Variants in ROBO1 observed in about 807,000 individuals in gnomAD.
ROBO1 encodes roundabout guidance receptor 1, also known as roundabout homolog 1.
ROBO1 carries 149 observed loss-of-function variants against 195.9 expected under a neutral mutation model. The observed-to-expected ratio is 0.76, with a 90% CI of 0.67 to 0.87. The LOEUF (loss-of-function observed/expected upper bound fraction) is 0.87. ROBO1 is among the 40% of genes least tolerant of loss of function. ROBO1 has a pLI of 0.00. For missense variants in ROBO1, 1,933 were observed against 2,068.3 expected, an observed-to-expected ratio of 0.93 and a Z score of 1.27; for synonymous variants, 816 against 733.2, an observed-to-expected ratio of 1.11 and a Z score of -1.82.
chr3:79,271,470 GA>G (rs779410734), intron 2 of ROBO1, among the ~76,000 whole-genome samples: 35 of 151,964 alleles, frequency 2.3e-4, no homozygotes, highest in Non-Finnish European at 3.1e-4. Context: ...TTTTATACTG[GA>G]AAATATTAGA....
intron 1 of ROBO1, among the ~76,000 whole-genome samples, chr3:79,630,590 G>T (rs1360185411): frequency 4.6e-5 from 7 of 151,956 alleles, no homozygotes; most frequent in Non-Finnish European, 8.8e-5. Flanking sequence ...AGACAAGGAT[G>T]CTCACTTTCA....
At chr3:78,744,462 T>C (rs2082607679) in intron 5 of ROBO1, among the ~76,000 whole-genome samples, 1 of 152,202 alleles carries the variant, frequency 6.6e-6, no homozygotes, top group African/African-American at 2.4e-5. Flanking sequence ...AAAGCCAAAC[T>C]ATCTACAACA....
At chr3:78,973,041 A>G (rs1442859399) in intron 3 of ROBO1, among the ~76,000 whole-genome samples, 1 of 152,230 alleles carries the variant, frequency 6.6e-6, no homozygotes, top group African/African-American at 2.4e-5. Flanking sequence ...GCACTCAGTC[A>G]TTAGTTTCAC....
At chr3:79,153,585 T>C (rs533502959) in intron 2 of ROBO1, among the ~76,000 whole-genome samples, 1 of 151,492 alleles carries the variant, frequency 6.6e-6, no homozygotes, top group Non-Finnish European at 1.5e-5. Context: ...CACGGTGGTC[T>C]AAAAGCTTAT....
At chr3:79,678,177 C>A (rs1946841051) in intron 1 of ROBO1, among the ~76,000 whole-genome samples, 1 of 151,882 alleles carries the variant, frequency 6.6e-6, no homozygotes, top group Non-Finnish European at 1.5e-5. Flanking sequence ...GGATGGGTAA[C>A]TTTTCTAAAC....
intron 3 of ROBO1, among the ~76,000 whole-genome samples, chr3:79,088,389 T>C (rs1442572867): frequency 2.6e-5 from 4 of 152,174 alleles, no homozygotes; most frequent in Non-Finnish European, 5.9e-5. Context: ...AAGCTTGTTT[T>C]ATTTAGTAAG....
At chr3:78,950,874 A>G (rs781335202) in intron 3 of ROBO1, among the ~76,000 whole-genome samples, 1 of 151,960 alleles carries the variant, frequency 6.6e-6, no homozygotes, top group Non-Finnish European at 1.5e-5. Context: ...ATATGAGCTT[A>G]CATTGCTGAG....
At chr3:79,573,472 T>G (rs1943348215) in intron 2 of ROBO1, among the ~76,000 whole-genome samples, 1 of 152,198 alleles carries the variant, frequency 6.6e-6, no homozygotes, top group Non-Finnish European at 1.5e-5. Flanking sequence ...TATATGACAG[T>G]CTTCAATTAT....
chr3:79,156,778 G>A (rs1399227897), intron 2 of ROBO1, among the ~76,000 whole-genome samples: 1 of 151,804 alleles, frequency 6.6e-6, no homozygotes, highest in African/African-American at 2.4e-5. Flanking sequence ...ATCTAGTTCA[G>A]TTACACATAA....
intron 2 of ROBO1, among the ~76,000 whole-genome samples, chr3:79,464,823 A>T (rs1336965536): frequency 6.6e-6 from 1 of 152,052 alleles, no homozygotes; most frequent in Non-Finnish European, 1.5e-5. Context: ...TCTGTGAAAA[A>T]TTTTACACAA....
chr3:79,100,508 C>T (rs1446918119), intron 3 of ROBO1, among the ~76,000 whole-genome samples: 2 of 151,438 alleles, frequency 1.3e-5, no homozygotes, highest in Non-Finnish European at 3.0e-5. Flanking sequence ...CCCAAGAGCA[C>T]GGGAATCAAT....
At chr3:79,765,001 T>C (rs977080250) in intron 1 of ROBO1, among the ~76,000 whole-genome samples, 1 of 151,954 alleles carries the variant, frequency 6.6e-6, no homozygotes, top group African/African-American at 2.4e-5. Flanking sequence ...CTTCATAGAG[T>C]AGAGCCCAGA....
chr3:79,763,209 C>T (rs1458854814), intron 1 of ROBO1, among the ~76,000 whole-genome samples: 4 of 151,666 alleles, frequency 2.6e-5, no homozygotes, highest in East Asian at 1.9e-4. Context: ...ACTGAAACTC[C>T]GGAAATGTAT....
chr3:79,332,989 G>A (rs565738520), intron 2 of ROBO1, among the ~76,000 whole-genome samples: 2 of 152,202 alleles, frequency 1.3e-5, no homozygotes, highest in East Asian at 1.9e-4. Flanking sequence ...ATCACCTGAT[G>A]TCAGGAGTTC....
intron 1 of ROBO1, among the ~76,000 whole-genome samples, chr3:79,596,724 T>C (rs1411262145): frequency 2.0e-5 from 3 of 152,014 alleles, no homozygotes; most frequent in Non-Finnish European, 2.9e-5. Flanking sequence ...TGGAACCAAC[T>C]CTACTATGTT....
In ROBO1 at chr3:78,639,732, T is replaced by C. The variant is rs1705810151; in HGVS notation, c.3037+12A>G. The C allele has an allele frequency of 3.1e-6, 5 of 1,608,840 alleles. No homozygotes were observed. Among genetic ancestry groups the C allele is most frequent in the South Asian group, 1.1e-5 (1 of 90,574 alleles). Reference sequence around the variant, plus strand: ...AAGCTTATACATATCAGGCTCTCTCTGTGTCCCTAACCTGGGCGACTGTAG... The same window carrying C: ...AAGCTTATACATATCAGGCTCTCTCCGTGTCCCTAACCTGGGCGACTGTAG... On this transcript the variant is annotated intron_variant, in intron 22 of 30. Coordinates refer to ENST00000464233, the MANE Select transcript of ROBO1 (RefSeq NM_002941.4).
intron 3 of ROBO1, among the ~76,000 whole-genome samples, chr3:79,040,206 A>C (rs915915613): frequency 3.0e-4 from 46 of 152,190 alleles, no homozygotes; most frequent in African/African-American, 1.1e-3. Context: ...GATTCGCCTC[A>C]ATCTTTCTCC....
intron 2 of ROBO1, among the ~76,000 whole-genome samples, chr3:79,294,080 A>AGAAAG: frequency 7.1e-6 from 1 of 140,120 alleles, no homozygotes; most frequent in African/African-American, 2.6e-5. Context: ...AAAAAAAAAA[A>AGAAAG]AAAGAAAGAA....
intron 2 of ROBO1, among the ~76,000 whole-genome samples, chr3:79,517,671 G>C (rs918451882): frequency 6.6e-6 from 1 of 152,178 alleles, no homozygotes; most frequent in Non-Finnish European, 1.5e-5. Context: ...CATATAAAGA[G>C]AGAGGCAAGA....
Sources: allele counts gnomAD v4.1 joint callset (sites outside exome capture counted in the v4.1 genomes callset), GRCh38; gene constraint gnomAD v4.1.1; transcripts MANE v1.5; gene names NCBI Gene and HGNC (gene_info 2026-07-23, HGNC 2026-07-21).